The following GLIS3 variants were observed in gnomAD, a reference collection of about 807,000 sequenced individuals.
GLIS3 encodes the protein GLIS family zinc finger 3.
Under a neutral mutation model 78.6 loss-of-function variants are expected in GLIS3, and 53 were observed. That is an observed-to-expected ratio of 0.67 (90% confidence interval 0.54 to 0.85). The LOEUF is 0.85. Ranked by LOEUF, GLIS3 falls within the 40% of genes least tolerant of loss-of-function variation. GLIS3 has a pLI of 0.00. For synonymous variants in GLIS3, 684 were observed against 509.9 expected, an observed-to-expected ratio of 1.34 and a Z score of -4.60; for missense variants, 1,703 against 1,231.1, an observed-to-expected ratio of 1.38 and a Z score of -5.74.
In GLIS3 at chr9:4,118,121, G is replaced by A. The variant is rs2130877214; in HGVS notation, c.1357C>T (p.Pro453Ser). The A allele has an allele frequency of 1.3e-6, 2 of 1,547,350 alleles. No individual in the cohort carries two copies. Among genetic ancestry groups the A allele is most frequent in the Admixed American group, 1.9e-5 (1 of 53,464 alleles). ...GGGGGTGGGGGGCCTGGGGGCGGCG[G>A]CAGAGGAGGGAGCGGAGGCGCGGGG... ...LPPAPPLPPL[P>S]PPPGPPPPYH... is the part of the protein sequence containing the mutation. The change falls in exon 4 of 11, where the codon CCG becomes TCG. Residue 453 changes from proline to serine, a missense_variant. Physicochemically the swap from Pro to Ser is moderately conservative, Grantham distance 74. Transcript: ENST00000381971. The surrounding 1 kb of genome is among the most constrained non-coding windows in gnomAD (Gnocchi z 4.7).
intron 4 of GLIS3, among the ~76,000 whole-genome samples, chr9:4,106,148 G>C (rs1484430855): frequency 6.6e-6 from 1 of 152,162 alleles, no homozygotes; most frequent in Admixed American, 6.5e-5. Context: ...AAGCACTGCT[G>C]AATCACTTGA....
At chr9:4,177,463 A>G (rs1265560548) in intron 2 of GLIS3, among the ~76,000 whole-genome samples, 2 of 152,170 alleles carry the variant, frequency 1.3e-5, no homozygotes, top group Non-Finnish European at 2.9e-5. Flanking sequence ...ACAGAGCCCA[A>G]TGTCTGAAAC....
chr9:4,064,921 C>T (rs914464029), intron 4 of GLIS3, among the ~76,000 whole-genome samples: 2 of 152,170 alleles, frequency 1.3e-5, no homozygotes, highest in South Asian at 2.1e-4. Context: ...CCCCAGGGAG[C>T]TGTAAGTATT....
At chr9:3,976,967 T>G (rs1018208947) in intron 4 of GLIS3, among the ~76,000 whole-genome samples, 11 of 151,710 alleles carry the variant, frequency 7.3e-5, no homozygotes, top group African/African-American at 2.7e-4. Context: ...AATTTAGCCC[T>G]TGAATCAGAA....
chr9:4,258,199 C>T (rs1021482604), intron 2 of GLIS3, among the ~76,000 whole-genome samples: 2 of 151,902 alleles, frequency 1.3e-5, no homozygotes. Context: ...AGGAAAACAA[C>T]ATTATTTAAA....
At chr9:4,295,938 T>C (rs1040827395) in intron 1 of GLIS3, among the ~76,000 whole-genome samples, 2 of 152,196 alleles carry the variant, frequency 1.3e-5, no homozygotes, top group African/African-American at 4.8e-5. Context: ...AGTTTTTTTT[T>C]TATCACACAG....
the GLIS3 span, among the ~76,000 whole-genome samples, chr9:4,448,240 C>A: frequency 6.6e-6 from 1 of 152,210 alleles, no homozygotes; most frequent in Non-Finnish European, 1.5e-5. Flanking sequence ...TTTGCCTATT[C>A]ATCTATCGGG....
the GLIS3 span, among the ~76,000 whole-genome samples, chr9:4,423,220 G>T: frequency 6.6e-6 from 1 of 152,156 alleles, no homozygotes; most frequent in African/African-American, 2.4e-5. Context: ...CAGGTCTGGA[G>T]AGGATCCACA....
chr9:4,408,943 TCA>T, the GLIS3 span, among the ~76,000 whole-genome samples: 1 of 151,786 alleles, frequency 6.6e-6, no homozygotes, highest in African/African-American at 2.4e-5. Context: ...CCAAAATATC[TCA>T]TATACCCCAC....
At chr9:4,239,651 G>C (rs950519514) in intron 2 of GLIS3, among the ~76,000 whole-genome samples, 2 of 152,226 alleles carry the variant, frequency 1.3e-5, no homozygotes, top group African/African-American at 4.8e-5. Context: ...TACTGGATCT[G>C]AATAAGTGAT....
chr9:4,012,822 G>C (rs1475683159), intron 4 of GLIS3, among the ~76,000 whole-genome samples: 1 of 138,200 alleles, frequency 7.2e-6, no homozygotes, highest in East Asian at 2.1e-4. Flanking sequence ...ATCCAGGCTG[G>C]AGTGCAACGG....
At chr9:4,079,421 G>A (rs930236772) in intron 4 of GLIS3, among the ~76,000 whole-genome samples, 5 of 152,096 alleles carry the variant, frequency 3.3e-5, no homozygotes, top group East Asian at 1.9e-4. Context: ...AAGCCATAGC[G>A]AAGAAAGCAA....
At chr9:3,985,063 G>C (rs140047474) in intron 4 of GLIS3, among the ~76,000 whole-genome samples, 1 of 150,604 alleles carries the variant, frequency 6.6e-6, no homozygotes, top group South Asian at 2.1e-4. Context: ...TTCATCAGCA[G>C]TGTAAGAACA....
intron 4 of GLIS3, among the ~76,000 whole-genome samples, chr9:4,101,930 C>A (rs564176634): frequency 2.6e-5 from 4 of 152,204 alleles, no homozygotes; most frequent in Admixed American, 2.0e-4. Context: ...TCCAAGGACA[C>A]AGATGCTGTA....
At chr9:4,379,846 ACAT>A in the GLIS3 span, among the ~76,000 whole-genome samples, 2 of 152,230 alleles carry the variant, frequency 1.3e-5, no homozygotes, top group African/African-American at 4.8e-5. Context: ...TATTTGACAC[ACAT>A]CATATTATAT....
intron 4 of GLIS3, among the ~76,000 whole-genome samples, chr9:4,064,005 G>T (rs542146625): frequency 3.3e-5 from 5 of 152,038 alleles, no homozygotes; most frequent in Admixed American, 6.6e-5. Flanking sequence ...ATATTTCAAA[G>T]ACTTTTTTTT....
chr9:4,307,023 G>A (rs1002653335), intron 4 of GLIS3, among the ~76,000 whole-genome samples: 2 of 152,226 alleles, frequency 1.3e-5, no homozygotes, highest in African/African-American at 2.4e-5. Flanking sequence ...AGAAAGTGAA[G>A]GTGGCAAGTT....
intron 2 of GLIS3, among the ~76,000 whole-genome samples, chr9:4,227,438 C>A (rs376910641): frequency 2.6e-5 from 4 of 152,120 alleles, no homozygotes; most frequent in Non-Finnish European, 5.9e-5. Flanking sequence ...TTGTATTGAT[C>A]TCTCTGATAT....
intron 2 of GLIS3, among the ~76,000 whole-genome samples, chr9:4,201,212 C>T (rs1378477146): frequency 6.6e-6 from 1 of 152,184 alleles, no homozygotes; most frequent in Non-Finnish European, 1.5e-5. Flanking sequence ...CTATTACAAA[C>T]TCACAGCCAA....
Sources: gnomAD v4.1 joint callset for allele counts (sites outside exome capture counted in the v4.1 genomes callset) on GRCh38, gnomAD v4.1.1 for gene constraint, Gnocchi (gnomAD v3.1) non-coding constraint, MANE v1.5 for transcripts, NCBI Gene and HGNC (gene_info 2026-07-23, HGNC 2026-07-21) for gene names.